AKAP8L: variants seen among roughly 807,000 people sequenced by gnomAD.
AKAP8L encodes A-kinase anchoring protein 8 like, also known as A-kinase anchor protein 8-like.
AKAP8L carries 34 observed loss-of-function variants against 77.5 expected under a neutral mutation model. The observed-to-expected ratio is 0.44, with a 90% CI of 0.33 to 0.58. The LOEUF is 0.58. Among genes scored for constraint, AKAP8L ranks in the 20% least tolerant of loss-of-function variants. The pLI, the probability that AKAP8L is intolerant of heterozygous loss-of-function variation, is 0.02. For missense variants in AKAP8L, 806 were observed against 887.6 expected (o/e 0.91, Z 1.17); for synonymous variants, 342 against 340.7 (o/e 1.00, Z -0.04).
In AKAP8L at chr19:15,410,408, C is replaced by T. The variant is rs1968084939; in HGVS notation, c.88+112G>A. On this transcript the variant is annotated intron_variant, in intron 2 of 13. Coordinates refer to ENST00000397410, the MANE Select transcript of AKAP8L (RefSeq NM_014371.4). ...ATTCAAATGGCCACACCATTTCACACAAGTTTAGGTTTAAAAAAGCATGAC... is the reference window on the plus strand; with the variant it reads ...ATTCAAATGGCCACACCATTTCACATAAGTTTAGGTTTAAAAAAGCATGAC... 3.3e-5 allele frequency: 30 copies of T among 898,888 alleles called. No homozygotes were observed. In the South Asian group the frequency reaches 4.5e-4, roughly 13 times the overall value. The allele number at this position is 898,888 out of a possible 1,614,324, so 55.7% of individuals were successfully genotyped here.
chr19:15,418,420 C>T (rs1968253766), intron 1 of AKAP8L, among the ~76,000 whole-genome samples: 1 of 152,116 alleles, frequency 6.6e-6, no homozygotes. Flanking sequence ...GGCGCCTTTC[C>T]CAGTTCTGAA....
At position 15,417,928 on chromosome 19, in the gene AKAP8L, G is replaced by A. The variant is rs1279573161; in HGVS notation, c.13+983C>T. Among the ~76,000 whole-genome samples, 3 of 152,198 alleles carry A rather than the reference G, an allele frequency of 2.0e-5. No individual in the cohort carries two copies. In the East Asian group the frequency reaches 5.8e-4, roughly 29 times the overall value. On this transcript the variant is annotated intron_variant, in intron 1 of 13. Coordinates refer to ENST00000397410, the MANE Select transcript of AKAP8L (RefSeq NM_014371.4). ...CAGTCGCCCAAGCATATTGCGGGGG[G>A]CGGAGAGGGGCTCTCGGATCTGTCA...
At chr19:15,387,149 G>T (rs918371744) in intron 12 of AKAP8L, among the ~76,000 whole-genome samples, 2 of 152,188 alleles carry the variant, frequency 1.3e-5, no homozygotes, top group African/African-American at 4.8e-5. Context: ...TAAAGCAGAG[G>T]TCCCATGCCA....
At chr19:15,381,922 CA>C (rs1967426598) in intron 12 of AKAP8L, 1 of 152,212 alleles carries the variant, frequency 6.6e-6, no homozygotes, top group South Asian at 2.1e-4. Context: ...GGTTTGGTTT[CA>C]AAGTGATAGT....
rs751008965 is a variant in AKAP8L at position 15,380,383 on chromosome 19, C to T, written c.1680G>A (p.Glu560=). Residue 560 remains glutamate, a synonymous_variant, in exon 14 of 14, where the codon GAG becomes GAA. Coordinates refer to ENST00000397410, the MANE Select transcript of AKAP8L (RefSeq NM_014371.4). ...TDSPEEEKEQ[E]EAEGGALDEG... Reference sequence around the variant, plus strand: ...CGTCCAGGGCACCGCCCTCAGCCTCCTCCTGCTCCTTCTCCTCCTCGGGGC... The same window carrying T: ...CGTCCAGGGCACCGCCCTCAGCCTCTTCCTGCTCCTTCTCCTCCTCGGGGC... 74 of 1,580,014 alleles carry T rather than the reference C, an allele frequency of 4.7e-5. No homozygotes were observed. The highest frequency in any genetic ancestry group is 3.4e-5 in the South Asian group (3 of 87,328).
chr19:15,403,619 C>T lies in AKAP8L; in HGVS notation c.218G>A (p.Ser73Asn), dbSNP rs541815464. Residue 73 changes from serine to asparagine, a missense_variant, in exon 4 of 14, where the codon AGC (serine) becomes AAC (asparagine). Physicochemically the swap from Ser to Asn is conservative, Grantham distance 46 (BLOSUM62 1). This residue lies in a region of AKAP8L where 580 missense variants were observed against 694.1 expected (regional missense o/e 0.84). Transcript: ENST00000397410. The surrounding 1 kb of genome is among the most constrained non-coding windows in gnomAD (Gnocchi z 4.3). Reference sequence around the variant, plus strand: ...ACTAGTGTTTGCATTTGTGTCAGAGCTAGGCATTTCCCAAGAGTGTGAAGT... The same window carrying T: ...ACTAGTGTTTGCATTTGTGTCAGAGTTAGGCATTTCCCAAGAGTGTGAAGT... ...MATSHSWEMP[S>N]SDTNANTSAS... The T allele has an allele frequency of 6.2e-7, 1 of 1,613,966 alleles. No individual in the cohort carries two copies. Among genetic ancestry groups the T allele is most frequent in the African/African-American group, 1.3e-5 (1 of 75,030 alleles).
intron 2 of AKAP8L, among the ~76,000 whole-genome samples, chr19:15,407,612 A>G (rs1013869127): frequency 6.6e-6 from 1 of 152,226 alleles, no homozygotes; most frequent in African/African-American, 2.4e-5. Flanking sequence ...ATTTCTATAT[A>G]TCAGCAATGA....
chr19:15,400,541 G>T, intron 7 of AKAP8L, 183 bp from the exon 8 acceptor site: 1 of 728,388 alleles, frequency 1.4e-6, no homozygotes, highest in Non-Finnish European at 2.2e-6. Context: ...TAAATGACAA[G>T]GCCCGGCTAT....
At chr19:15,406,362 G>GGAGAGAGAGAGAGTGAGA (rs1967997453) in intron 2 of AKAP8L, among the ~76,000 whole-genome samples, 1 of 89,380 alleles carries the variant, frequency 1.1e-5, no homozygotes, top group African/African-American at 5.1e-5. Context: ...GAAATTTTAA[G>GGAGAGAGAGAGAGTGAGA]GAGAGAGAGA....
At chr19:15,384,352 T>A (rs1599586915) in intron 12 of AKAP8L, among the ~76,000 whole-genome samples, 1 of 146,592 alleles carries the variant, frequency 6.8e-6, no homozygotes, top group African/African-American at 2.5e-5. Flanking sequence ...CAGGCTGGAG[T>A]GCAATGGCGC....
intron 12 of AKAP8L, among the ~76,000 whole-genome samples, chr19:15,382,660 T>C (rs1450794466): frequency 1.3e-5 from 2 of 152,230 alleles, no homozygotes; most frequent in African/African-American, 2.4e-5. Context: ...TACTTTGTCA[T>C]GTCTGTGCTG....
chr19:15,392,231 C>G (rs913615112), intron 12 of AKAP8L, among the ~76,000 whole-genome samples: 7 of 152,244 alleles, frequency 4.6e-5, no homozygotes, highest in African/African-American at 1.7e-4. Context: ...CACAGTGGCT[C>G]ATGCCTATAA....
At chr19:15,387,787 C>A (rs763002056) in intron 12 of AKAP8L, among the ~76,000 whole-genome samples, 7 of 152,218 alleles carry the variant, frequency 4.6e-5, no homozygotes, top group Non-Finnish European at 7.4e-5. Context: ...GGTGAAACCC[C>A]GTCTCTACTA....
chr19:15,404,454 T>C (rs1402126106), intron 2 of AKAP8L, among the ~76,000 whole-genome samples: 1 of 152,228 alleles, frequency 6.6e-6, no homozygotes, highest in Non-Finnish European at 1.5e-5. Flanking sequence ...GACTGTGCTG[T>C]GCTGGAACAC....
At chr19:15,380,710 G>A in intron 12 of AKAP8L, 98 bp from the exon 13 acceptor site, 1 of 1,040,616 alleles carries the variant, frequency 9.6e-7, no homozygotes, top group South Asian at 1.4e-5. Flanking sequence ...CCCCGCCCCT[G>A]CACCCACGCA....
intron 12 of AKAP8L, chr19:15,382,185 G>A (rs1967432259): frequency 6.7e-6 from 1 of 149,816 alleles, no homozygotes; most frequent in African/African-American, 2.5e-5. Flanking sequence ...TTCTGATCTT[G>A]GTTTTCATTT....
At position 15,399,246 on chromosome 19, in the gene AKAP8L, C is replaced by T; in HGVS notation, c.1157+56G>A. On this transcript the variant is annotated intron_variant, in intron 9 of 13. Transcript: ENST00000397410. The surrounding 1 kb of genome is among the most constrained non-coding windows in gnomAD (Gnocchi z 6.1). Reference sequence around the variant, plus strand: ...GCTGGCAGAGCTATGGCCCTGCTCTCCTGGCGGCAGCCCCACAGCGAGGCA... The same window carrying T: ...GCTGGCAGAGCTATGGCCCTGCTCTTCTGGCGGCAGCCCCACAGCGAGGCA... 1 of 1,516,644 alleles carries T rather than the reference C, an allele frequency of 6.6e-7. No homozygotes were observed. Among genetic ancestry groups the T allele is most frequent in the Non-Finnish European group, 9.2e-7 (1 of 1,092,368 alleles). 93.9% of individuals were successfully genotyped at this position (1,516,644 alleles called of 1,614,324 possible).
intron 1 of AKAP8L, among the ~76,000 whole-genome samples, chr19:15,411,820 A>AG (rs954595506): frequency 1.1e-4 from 16 of 152,146 alleles, no homozygotes; most frequent in African/African-American, 2.9e-4. Flanking sequence ...TGGGAGGCCA[A>AG]GGGGGGGTGG....
In AKAP8L at chr19:15,403,985, C is replaced by T; in HGVS notation, c.121+25G>A. ...GCCAGGACAACCCCAAGGGACAGGA[C>T]AGCAATCACAGGAATGACACTTGCC... is the stretch of plus-strand genomic sequence containing the variant. On this transcript the variant is annotated intron_variant, in intron 3 of 13. Transcript: ENST00000397410. This position sits in a 1 kb window ranked among gnomAD's most constrained non-coding sequence, Gnocchi z 4.3. 6.2e-7 allele frequency: 1 copy of T among 1,613,418 alleles called. No individual in the cohort carries two copies. Among genetic ancestry groups the T allele is most frequent in the Non-Finnish European group, 8.5e-7 (1 of 1,179,538 alleles).
Sources: allele counts gnomAD v4.1 joint callset (sites outside exome capture counted in the v4.1 genomes callset), GRCh38; gene constraint gnomAD v4.1.1; regional missense constraint gnomAD v4.1.1; non-coding constraint Gnocchi (gnomAD v3.1); transcripts MANE v1.5; gene names NCBI Gene and HGNC (gene_info 2026-07-23, HGNC 2026-07-21).